EPB41L1: variants seen among roughly 807,000 people sequenced by gnomAD.
EPB41L1 encodes the protein band 4.1-like protein 1.
Under a neutral mutation model 97.8 loss-of-function variants are expected in EPB41L1, and 29 were observed. That is an observed-to-expected ratio of 0.30 (90% CI 0.22 to 0.40). EPB41L1 has a LOEUF of 0.40. Ranked by LOEUF, EPB41L1 falls within the 10% of genes least tolerant of loss-of-function variation. The pLI is 1.00. For synonymous variants in EPB41L1, 383 were observed against 459.2 expected (o/e 0.83, Z 2.12); for missense variants, 812 against 1,162.3 (o/e 0.70, Z 4.38).
intron 1 of EPB41L1, chr20:36,155,630 G>C (rs1297851363): frequency 4.4e-6 from 2 of 456,432 alleles, no homozygotes; most frequent in African/African-American, 4.0e-5. Context: ...AGACGTATAT[G>C]GCTCAAAGTG....
chr20:36,198,989 T>C (rs2062353655), intron 14 of EPB41L1, among the ~76,000 whole-genome samples: 1 of 152,136 alleles, frequency 6.6e-6, no homozygotes, highest in Non-Finnish European at 1.5e-5. Context: ...CAGAGTACCT[T>C]GATGCGCAGT....
In EPB41L1 at chr20:36,093,315, G is replaced by A. The variant is rs949530745; in HGVS notation, c.-65+1703G>A. On this transcript the variant is annotated intron_variant, in intron 1 of 19. Transcript: ENST00000202028. The surrounding 1 kb of genome is among the most constrained non-coding windows in gnomAD (Gnocchi z 5.4). The stretch of plus-strand genomic sequence containing the variant: ...TTCGCTTGTGGCTGCAGCCTGTGGC[G>A]GGTGTGGGTGTGTGTGTGCGCGCGC... 1.3e-5 allele frequency among the ~76,000 whole-genome samples: 2 copies of A among 151,168 alleles called. No individual in the cohort carries two copies. The highest frequency in any genetic ancestry group is 4.9e-5 in the African/African-American group (2 of 41,088).
intron 2 of EPB41L1, among the ~76,000 whole-genome samples, chr20:36,148,542 G>T (rs2059923963): frequency 6.6e-6 from 1 of 152,212 alleles, no homozygotes; most frequent in Non-Finnish European, 1.5e-5. Flanking sequence ...GCTGTGGAAG[G>T]TCTTGAGAGT....
chr20:36,207,013 A>C lies in EPB41L1; in HGVS notation c.1669-2475A>C. On this transcript the variant is annotated intron_variant, in intron 14 of 21. Transcript: ENST00000338074. The surrounding 1 kb of genome is among the most constrained non-coding windows in gnomAD (Gnocchi z 4.9). Reference sequence around the variant, plus strand: ...ACCCAAAGAGAGGGGAGTGGTTCCCACCCAGAAAGGAGGGGCTGAGCTGAA... The same window carrying C: ...ACCCAAAGAGAGGGGAGTGGTTCCCCCCCAGAAAGGAGGGGCTGAGCTGAA... The C allele has an allele frequency of 7.8e-7, 1 of 1,289,866 alleles. No individual in the cohort carries two copies. Among genetic ancestry groups the C allele is most frequent in the Non-Finnish European group, 1.0e-6 (1 of 988,862 alleles). 79.9% of individuals were successfully genotyped at this position (1,289,866 alleles called of 1,614,324 possible).
At chr20:36,137,076 C>CT (rs35231525) in intron 2 of EPB41L1, among the ~76,000 whole-genome samples, 10,180 of 132,812 alleles carry the variant, frequency 0.077, 554 homozygotes, top group East Asian at 0.18. Flanking sequence ...CTTTCCTTTC[C>CT]TTTTTTTTTT....
At chr20:36,217,890 T>G (rs538404461) in intron 17 of EPB41L1, among the ~76,000 whole-genome samples, 1 of 152,160 alleles carries the variant, frequency 6.6e-6, no homozygotes, top group East Asian at 1.9e-4. Context: ...TGGACCAGAA[T>G]CAGAGGTCAG....
At chr20:36,145,171 C>T (rs1007746980) in intron 2 of EPB41L1, among the ~76,000 whole-genome samples, 9 of 151,894 alleles carry the variant, frequency 5.9e-5, no homozygotes, top group African/African-American at 1.5e-4. Flanking sequence ...CGGTGGATCA[C>T]GAGGTCAGGA....
intron 19 of EPB41L1, among the ~76,000 whole-genome samples, chr20:36,220,708 T>C (rs1028525072): frequency 1.3e-5 from 2 of 151,672 alleles, no homozygotes; most frequent in African/African-American, 4.8e-5. Context: ...AGGGTGTGAG[T>C]TAGAGCTCAG....
intron 2 of EPB41L1, among the ~76,000 whole-genome samples, chr20:36,127,504 T>C (rs2059019109): frequency 6.6e-6 from 1 of 152,150 alleles, no homozygotes; most frequent in African/African-American, 2.4e-5. Flanking sequence ...GGGTGCTGGA[T>C]CCCCTTGCTC....
rs1055762862 is a variant in EPB41L1, at chr20:36,207,683, A to G, written c.1669-1805A>G. ...CTGGCTACCAGACACTTCAGGGAGGACACTTCTGCATCCTACCAGGAAGCA... is the reference window on the plus strand; with the variant it reads ...CTGGCTACCAGACACTTCAGGGAGGGCACTTCTGCATCCTACCAGGAAGCA... On this transcript the variant is annotated intron_variant, in intron 14 of 21. Coordinates refer to ENST00000338074, the MANE Select transcript of EPB41L1 (RefSeq NM_012156.2). This position sits in a 1 kb window ranked among gnomAD's most constrained non-coding sequence, Gnocchi z 4.9. 7.8e-7 allele frequency: 1 copy of G among 1,290,100 alleles called. No homozygotes were observed. Among genetic ancestry groups the G allele is most frequent in the South Asian group, 1.2e-5 (1 of 81,030 alleles). The allele number at this position is 1,290,100 out of a possible 1,614,324, so 79.9% of individuals were successfully genotyped here. A position where few individuals can be genotyped will look rare whatever the true frequency, so the allele number is the denominator to read the frequency against.
chr20:36,188,299 C>T lies in EPB41L1; in HGVS notation c.874-48C>T, dbSNP rs371848147. 2.5e-5 allele frequency: 40 copies of T among 1,611,388 alleles called. No homozygotes were observed. The African/African-American group carries it at 5.3e-4, about 22-fold the overall frequency. On this transcript the variant is annotated intron_variant, in intron 8 of 21. Coordinates refer to ENST00000338074, the MANE Select transcript of EPB41L1 (RefSeq NM_012156.2). ...TTTCGGGGTGGGTGGTAGGCTGTCCCCAGGCATGGACCCCGGGCCTCCCAT... is the reference window on the plus strand; with the variant it reads ...TTTCGGGGTGGGTGGTAGGCTGTCCTCAGGCATGGACCCCGGGCCTCCCAT...
intron 2 of EPB41L1, among the ~76,000 whole-genome samples, chr20:36,143,819 C>T (rs1895414349): frequency 2.6e-5 from 4 of 151,776 alleles, no homozygotes; most frequent in South Asian, 2.1e-4. Context: ...AAATCAGGAC[C>T]GATAAAAGGT....
intron 3 of EPB41L1, 109 bp downstream of exon 3, chr20:36,175,824 C>A: frequency 1.7e-6 from 2 of 1,159,954 alleles, no homozygotes; most frequent in East Asian, 2.4e-5. Context: ...AGTCCTGGAC[C>A]AGTCACAGTG....
intron 2 of EPB41L1, among the ~76,000 whole-genome samples, chr20:36,119,026 C>A (rs545890744): frequency 6.6e-6 from 1 of 152,344 alleles, no homozygotes; most frequent in African/African-American, 2.4e-5. Flanking sequence ...CTTAACCAAG[C>A]ACTTCTTCTA....
intron 7 of EPB41L1, 103 bp downstream of exon 7, chr20:36,185,438 C>A: frequency 9.0e-7 from 1 of 1,109,092 alleles, no homozygotes; most frequent in Non-Finnish European, 1.3e-6. Flanking sequence ...CTGTTTGTAC[C>A]CCGCCTGGCT....
rs1705900773 is a variant in EPB41L1 at position 36,230,911 on chromosome 20, C to A, written c.*1571C>A. On this transcript the variant is annotated 3_prime_UTR_variant, in exon 22 of 22. Transcript: ENST00000338074. The stretch of plus-strand genomic sequence containing the variant: ...GACTGTCTAAAAATTCCCAGCTAAG[C>A]CTTTTCCTCTACTCTCTTCCTTGTT... 6.6e-6 allele frequency: 1 copy of A among 152,208 alleles called. No individual in the cohort carries two copies. The highest frequency in any genetic ancestry group is 2.4e-5 in the African/African-American group (1 of 41,450). 9.4% of individuals were successfully genotyped at this position (152,208 alleles called of 1,614,324 possible). A position where few individuals can be genotyped will look rare whatever the true frequency, so the allele number is the denominator to read the frequency against.
intron 2 of EPB41L1, among the ~76,000 whole-genome samples, chr20:36,142,318 C>T (rs934874732): frequency 4.6e-5 from 7 of 152,136 alleles, no homozygotes; most frequent in African/African-American, 1.7e-4. Flanking sequence ...AACGTAGCCA[C>T]TATTATTGGA....
chr20:36,191,213 G>A (rs1157237990), intron 11 of EPB41L1, among the ~76,000 whole-genome samples: 1 of 152,080 alleles, frequency 6.6e-6, no homozygotes, highest in African/African-American at 2.4e-5. Context: ...CCTTACACTG[G>A]TCATCATCAT....
At chr20:36,203,040 A>G (rs2062588272) in intron 14 of EPB41L1, among the ~76,000 whole-genome samples, 1 of 152,146 alleles carries the variant, frequency 6.6e-6, no homozygotes, top group African/African-American at 2.4e-5. Context: ...CAAGGCACCG[A>G]CGGTCCCCTG....
Sources: allele counts gnomAD v4.1 joint callset (sites outside exome capture counted in the v4.1 genomes callset), GRCh38; gene constraint gnomAD v4.1.1; non-coding constraint Gnocchi (gnomAD v3.1); transcripts MANE v1.5; gene names NCBI Gene and HGNC (gene_info 2026-07-23, HGNC 2026-07-21).